Variants in FAM78B observed in about 807,000 individuals in gnomAD.
FAM78B encodes the protein protein FAM78B.
FAM78B carries 10 observed loss-of-function variants against 20.0 expected under a neutral mutation model. The observed-to-expected ratio is 0.50, with a 90% CI of 0.31 to 0.85. The LOEUF (loss-of-function observed/expected upper bound fraction) is 0.85. FAM78B is among the 40% of genes least tolerant of loss of function. The pLI is 0.05. For synonymous variants in FAM78B, 135 were observed against 132.8 expected (o/e 1.02, Z -0.12); for missense variants, 283 against 345.0 (o/e 0.82, Z 1.42).
chr1:166,134,811 T>G (rs1197104537), intron 1 of FAM78B, among the ~76,000 whole-genome samples: 2 of 152,222 alleles, frequency 1.3e-5, no homozygotes, highest in Non-Finnish European at 2.9e-5. Flanking sequence ...TCATCCATGA[T>G]GCTCTCTAAA....
In FAM78B at chr1:166,161,282, G is replaced by A. The variant is rs532587217; in HGVS notation, c.263+4704C>T. Among the ~76,000 whole-genome samples the A allele has an allele frequency of 6.8e-4, 103 of 152,084 alleles. 1 individual carries two copies. Among genetic ancestry groups the A allele is most frequent in the Non-Finnish European group, 1.2e-3 (83 of 68,018 alleles). ...GTGCCTCAGCCACCAGAGTAAATGGGTTTACAGGCGTGTGCCACCATGCCC... is the reference window on the plus strand; with the variant it reads ...GTGCCTCAGCCACCAGAGTAAATGGATTTACAGGCGTGTGCCACCATGCCC... On this transcript the variant is annotated intron_variant, in intron 1 of 1. Transcript: ENST00000354422.
At chr1:166,121,969 A>G (rs1451674107) in intron 1 of FAM78B, among the ~76,000 whole-genome samples, 1 of 152,170 alleles carries the variant, frequency 6.6e-6, no homozygotes, top group Non-Finnish European at 1.5e-5. Flanking sequence ...GGCACTACGG[A>G]GCACCCATTG....
chr1:166,141,811 C>T (rs1052778657), intron 1 of FAM78B, among the ~76,000 whole-genome samples: 5 of 152,154 alleles, frequency 3.3e-5, no homozygotes, highest in Admixed American at 1.3e-4. Context: ...GCTGTATGTG[C>T]CAAGAACAGA....
chr1:166,134,047 C>T (rs1377292079), intron 1 of FAM78B, among the ~76,000 whole-genome samples: 2 of 152,186 alleles, frequency 1.3e-5, no homozygotes, highest in Non-Finnish European at 2.9e-5. Flanking sequence ...CCACTACCTC[C>T]CTCCTCAGGT....
At chr1:166,128,797 G>C (rs1265849312) in intron 1 of FAM78B, among the ~76,000 whole-genome samples, 3 of 152,174 alleles carry the variant, frequency 2.0e-5, no homozygotes, top group Non-Finnish European at 4.4e-5. Context: ...GCATCTCTTT[G>C]GCTGGTTAGT....
Position 166,140,435 on chromosome 1 carries a change from G to A in FAM78B, c.263+25551C>T, listed in dbSNP as rs891086060. 2.8e-4 allele frequency among the ~76,000 whole-genome samples: 43 copies of A among 152,358 alleles called. 1 individual carries two copies. Among genetic ancestry groups the A allele is most frequent in the South Asian group, 2.3e-3 (11 of 4,828 alleles). The stretch of plus-strand genomic sequence containing the variant: ...CCATGGTCATAAATCTGGGAAGCCA[G>A]ACAACAGCATTACAGGGCTTCGGGC... On this transcript the variant is annotated intron_variant, in intron 1 of 1. Transcript: ENST00000354422.
At position 166,089,302 on chromosome 1, in the gene FAM78B, T is replaced by C. The variant is rs900475893; in HGVS notation, c.264-18539A>G. On this transcript the variant is annotated intron_variant, in intron 1 of 1. Coordinates refer to ENST00000354422, the MANE Select transcript of FAM78B (RefSeq NM_001017961.5). ...TTTAATGTGTCTCTCTTCGTGTGGA[T>C]TGGAACACCTTAACTGATCACTGCT... Among the ~76,000 whole-genome samples, 16 of 152,212 alleles carry C rather than the reference T, an allele frequency of 1.1e-4. 1 individual carries two copies. Among genetic ancestry groups the C allele is most frequent in the South Asian group, 6.2e-4 (3 of 4,836 alleles).
chr1:166,066,729 T>C (rs891275538), downstream of FAM78B, among the ~76,000 whole-genome samples: 1 of 152,082 alleles, frequency 6.6e-6, no homozygotes, highest in Non-Finnish European at 1.5e-5. Flanking sequence ...CTGATCAGAA[T>C]TGCTGCTTAG....
At chr1:166,113,621 G>C (rs1654143502) in intron 1 of FAM78B, among the ~76,000 whole-genome samples, 1 of 152,216 alleles carries the variant, frequency 6.6e-6, no homozygotes, top group Non-Finnish European at 1.5e-5. Context: ...AATTCCTCCA[G>C]CTGGCTGGAA....
At chr1:166,073,023 T>G (rs1266335738) in intron 1 of FAM78B, among the ~76,000 whole-genome samples, 1 of 152,134 alleles carries the variant, frequency 6.6e-6, no homozygotes, top group African/African-American at 2.4e-5. Context: ...CTTAGTTTGG[T>G]CCTAGGTTTT....
At chr1:166,141,242 T>C (rs368614232) in intron 1 of FAM78B, among the ~76,000 whole-genome samples, 9 of 152,168 alleles carry the variant, frequency 5.9e-5, no homozygotes, top group East Asian at 5.8e-4. Context: ...GCCCTCATGG[T>C]CTCTAGTGGA....
At chr1:166,070,884 G>C in intron 1 of FAM78B, 121 bp from the exon 2 acceptor site, 1 of 1,041,712 alleles carries the variant, frequency 9.6e-7, no homozygotes, top group Non-Finnish European at 1.3e-6. Flanking sequence ...TTCACAGGGG[G>C]AATTCAGGGC....
chr1:166,096,975 C>T (rs953874850), intron 1 of FAM78B, among the ~76,000 whole-genome samples: 19 of 152,278 alleles, frequency 1.2e-4, no homozygotes, highest in Non-Finnish European at 2.4e-4. Flanking sequence ...CCTGAGAGGA[C>T]GCACAGACCC....
At chr1:166,145,142 T>A (rs1291847218) in intron 1 of FAM78B, among the ~76,000 whole-genome samples, 1 of 152,120 alleles carries the variant, frequency 6.6e-6, no homozygotes, top group African/African-American at 2.4e-5. Context: ...TACCAACTGG[T>A]TGGCCCTGGG....
At chr1:166,116,259 A>G (rs1654247234) in intron 1 of FAM78B, among the ~76,000 whole-genome samples, 7 of 152,050 alleles carry the variant, frequency 4.6e-5, no homozygotes, top group Admixed American at 3.3e-4. Context: ...TGGGCTCTTC[A>G]TTCTCTCTGA....
At chr1:166,102,381 C>T (rs1404125067) in intron 1 of FAM78B, among the ~76,000 whole-genome samples, 2 of 152,114 alleles carry the variant, frequency 1.3e-5, no homozygotes, top group African/African-American at 2.4e-5. Context: ...TGTAAATGGG[C>T]TAAATGCTCC....
chr1:166,109,196 A>G (rs1276004997), intron 1 of FAM78B, among the ~76,000 whole-genome samples: 1 of 152,248 alleles, frequency 6.6e-6, no homozygotes, highest in Admixed American at 6.5e-5. Context: ...GCACAGCAAA[A>G]AGAACAGTCA....
At chr1:166,118,277 G>A (rs987161829) in intron 1 of FAM78B, among the ~76,000 whole-genome samples, 10 of 152,138 alleles carry the variant, frequency 6.6e-5, no homozygotes, top group Non-Finnish European at 2.9e-5. Flanking sequence ...GGAGCTTTCA[G>A]CATGAAGGGT....
intron 1 of FAM78B, 84 bp downstream of exon 1, chr1:166,165,902 G>C: frequency 1.3e-6 from 2 of 1,514,982 alleles, no homozygotes; most frequent in Non-Finnish European, 1.8e-6. Flanking sequence ...ACAGCAGTAG[G>C]AAGGAGCTGG....
Sources: gnomAD v4.1 joint callset for allele counts (sites outside exome capture counted in the v4.1 genomes callset) on GRCh38, gnomAD v4.1.1 for gene constraint, MANE v1.5 for transcripts, NCBI Gene and HGNC (gene_info 2026-07-23, HGNC 2026-07-21) for gene names.